The following THADA variants were observed in gnomAD, a reference collection of about 807,000 sequenced individuals.
THADA encodes the protein tRNA (32-2'-O)-methyltransferase regulator THADA.
A neutral mutation model predicts 219.8 loss-of-function variants in THADA; 213 were observed. The observed-to-expected ratio is 0.97, with a 90% CI of 0.87 to 1.09. The LOEUF is 1.09. Among genes scored for constraint, THADA ranks in the 50% least tolerant of loss-of-function variants. THADA has a pLI of 0.00. For synonymous variants in THADA, 1,018 were observed against 828.9 expected (o/e 1.23, Z -3.92); for missense variants, 2,956 against 2,311.3 (o/e 1.28, Z -5.72).
At position 43,549,349 on chromosome 2, in the gene THADA, C is replaced by A. The variant is rs1364452484; in HGVS notation, c.2967G>T (p.Gln989His). ...DTDSESASRL[Q>H]MILNEIQPRD... is the part of the protein sequence containing the mutation. ...GAGGCTGAATCTCATTCAGAATCAT[C>A]TGTAAGCGGCTTGCTGACTCTGAGG... The change falls in exon 20 of 38, where the codon CAG becomes CAT. Residue 989 changes from glutamine to histidine, a missense_variant. Transcript: ENST00000405975. 3 of 1,603,110 alleles carry A rather than the reference C, an allele frequency of 1.9e-6. No homozygotes were observed. The highest frequency in any genetic ancestry group is 3.5e-5 in the Admixed American group (2 of 57,770).
intron 22 of THADA, among the ~76,000 whole-genome samples, chr2:43,514,412 A>T (rs1462935606): frequency 6.8e-6 from 1 of 147,860 alleles, no homozygotes; most frequent in Admixed American, 6.9e-5. Context: ...GATCATGCCA[A>T]GGCACTCCAG....
chr2:43,373,634 G>C (rs969493895), intron 29 of THADA, among the ~76,000 whole-genome samples: 1 of 152,034 alleles, frequency 6.6e-6, no homozygotes, highest in Non-Finnish European at 1.5e-5. Context: ...ACACCATCAG[G>C]CCTGGCTAAT....
chr2:43,293,565 G>A (rs963918341), intron 31 of THADA, among the ~76,000 whole-genome samples: 3 of 152,132 alleles, frequency 2.0e-5, no homozygotes, highest in African/African-American at 7.2e-5. Flanking sequence ...ACTTCCTTCA[G>A]GGGTGAAGCT....
At position 43,578,036 on chromosome 2, in the gene THADA, T is replaced by C. The variant is rs1170697414; in HGVS notation, c.816+477A>G. Among the ~76,000 whole-genome samples the C allele has an allele frequency of 3.3e-5, 5 of 152,312 alleles. No homozygotes were observed. The East Asian group carries it at 7.7e-4, about 23-fold the overall frequency. On this transcript the variant is annotated intron_variant, in intron 9 of 37. Coordinates refer to ENST00000405975, the MANE Select transcript of THADA (RefSeq NM_022065.5). Reference sequence around the variant, plus strand: ...GGTGACTGTTATTGTCTTTTTGTTATTGTTGCTTTATCTGAATTTTTGGAA... The same window carrying C: ...GGTGACTGTTATTGTCTTTTTGTTACTGTTGCTTTATCTGAATTTTTGGAA...
At chr2:43,238,501 C>T (rs1242226418) in intron 36 of THADA, among the ~76,000 whole-genome samples, 7 of 152,252 alleles carry the variant, frequency 4.6e-5, no homozygotes, top group Middle Eastern at 3.4e-3. Flanking sequence ...AATTGGAACC[C>T]TCATACATTT....
rs57697839 is a variant in THADA, at chr2:43,308,758, C to CAAAAAAAA, written c.4438+11680_4438+11687dup. Among the ~76,000 whole-genome samples the CAAAAAAAA allele has an allele frequency of 1.1e-3, 55 of 50,846 alleles. 12 individuals are homozygous for CAAAAAAAA. The highest frequency in any genetic ancestry group is 0.014 in the Middle Eastern group (1 of 72). 33.4% of individuals were successfully genotyped at this position (50,846 alleles called of 152,430 possible). A position where few individuals can be genotyped will look rare whatever the true frequency, so the allele number is the denominator to read the frequency against. On this transcript the variant is annotated intron_variant, in intron 31 of 37. Coordinates refer to ENST00000405975, the MANE Select transcript of THADA (RefSeq NM_022065.5). ...GTGCTGAAACATTGGATACCCATACCAAAAAAAAAAAAAAAAAAAAAAAAA... is the reference window on the plus strand; with the variant it reads ...GTGCTGAAACATTGGATACCCATACCAAAAAAAAAAAAAAAAAAAAAAAAAAAAAAAAA...
chr2:43,537,502 A>G (rs1371014315), intron 21 of THADA, among the ~76,000 whole-genome samples: 2 of 152,244 alleles, frequency 1.3e-5, no homozygotes, highest in Non-Finnish European at 2.9e-5. Context: ...ATTTCTAAAA[A>G]ATAAACTTTG....
chr2:43,475,780 A>G (rs1321492040), intron 26 of THADA, among the ~76,000 whole-genome samples: 1 of 152,258 alleles, frequency 6.6e-6, no homozygotes, highest in African/African-American at 2.4e-5. Context: ...ATGGAATCAT[A>G]TATCTAGACA....
intron 26 of THADA, among the ~76,000 whole-genome samples, chr2:43,459,431 C>A (rs886108352): frequency 2.0e-5 from 3 of 152,162 alleles, no homozygotes; most frequent in African/African-American, 7.2e-5. Flanking sequence ...TTAATACTTA[C>A]TGAGCTTCTG....
intron 26 of THADA, among the ~76,000 whole-genome samples, chr2:43,444,018 C>T (rs76993899): frequency 0.083 from 12,688 of 152,244 alleles, 591 homozygotes; most frequent in South Asian, 0.14. Flanking sequence ...TCAAAGAAAA[C>T]ACCTGCCAGG....
At chr2:43,472,436 A>G (rs1026182064) in intron 26 of THADA, among the ~76,000 whole-genome samples, 4 of 152,260 alleles carry the variant, frequency 2.6e-5, no homozygotes, top group African/African-American at 9.6e-5. Flanking sequence ...TATAATATTG[A>G]TAACTAATCA....
intron 28 of THADA, among the ~76,000 whole-genome samples, chr2:43,417,213 A>C (rs1322463217): frequency 6.6e-6 from 1 of 151,882 alleles, no homozygotes; most frequent in East Asian, 1.9e-4. Context: ...AAAATTACGT[A>C]AAGCAGTGGA....
At chr2:43,452,206 T>A (rs924044938) in intron 26 of THADA, among the ~76,000 whole-genome samples, 7 of 151,350 alleles carry the variant, frequency 4.6e-5, no homozygotes, top group Admixed American at 3.9e-4. Context: ...TCTCAAATAA[T>A]TTTTTTTTGT....
intron 35 of THADA, among the ~76,000 whole-genome samples, chr2:43,280,323 T>C (rs994262838): frequency 7.2e-5 from 11 of 152,146 alleles, no homozygotes; most frequent in Non-Finnish European, 1.2e-4. Context: ...ATCAAGATTA[T>C]GCTCTGGGGG....
In THADA at chr2:43,577,168, G is replaced by A. The variant is rs144885549; in HGVS notation, c.891C>T (p.Leu297=). The change falls in exon 10 of 38, where the codon CTC becomes CTT. Residue 297 remains leucine (L), a synonymous_variant. Transcript: ENST00000405975. ...CTGACTGAGAGATGTCACCACAACA[G>A]AGGCTCCTGCAGCTGCTCATAAACC... ...PEWFMSSCRS[L]CCGDISQSAV... The A allele has an allele frequency of 1.2e-5, 20 of 1,609,320 alleles. 1 individual carries two copies. In the East Asian group the frequency reaches 1.8e-4, roughly 14 times the overall value.
At chr2:43,367,628 G>T (rs781152209) in intron 29 of THADA, among the ~76,000 whole-genome samples, 2 of 152,108 alleles carry the variant, frequency 1.3e-5, no homozygotes, top group Non-Finnish European at 2.9e-5. Flanking sequence ...AAATACCAAG[G>T]TCTGTCATTA....
At chr2:43,320,717 A>G (rs1678606153) in intron 30 of THADA, among the ~76,000 whole-genome samples, 177 bp from the exon 31 acceptor site, 1 of 152,258 alleles carries the variant, frequency 6.6e-6, no homozygotes, top group South Asian at 2.1e-4. Flanking sequence ...AATGTGAGCA[A>G]ATGAAATCCT....
intron 28 of THADA, among the ~76,000 whole-genome samples, chr2:43,405,647 T>C (rs181137745): frequency 2.6e-4 from 40 of 152,358 alleles, no homozygotes; most frequent in African/African-American, 8.9e-4. Context: ...TTCAAATATA[T>C]TTCTTGGAAG....
chr2:43,399,995 C>T (rs1674598494), intron 28 of THADA, among the ~76,000 whole-genome samples: 1 of 152,202 alleles, frequency 6.6e-6, no homozygotes, highest in Admixed American at 6.5e-5. Flanking sequence ...CTGTCCCCGA[C>T]CTCTCCAACA....
Sources: gnomAD v4.1 joint callset for allele counts (sites outside exome capture counted in the v4.1 genomes callset) on GRCh38, gnomAD v4.1.1 for gene constraint, MANE v1.5 for transcripts, NCBI Gene and HGNC (gene_info 2026-07-23, HGNC 2026-07-21) for gene names.